PIEZO1: variants seen among roughly 807,000 people sequenced by gnomAD.
The protein encoded by PIEZO1 is piezo type mechanosensitive ion channel component 1 (Er blood group), also known as piezo-type mechanosensitive ion channel component 1.
A neutral mutation model predicts 297.2 loss-of-function variants in PIEZO1; 296 were observed. That is an observed-to-expected ratio of 1.00 (90% CI 0.91 to 1.10). PIEZO1 has a LOEUF of 1.10. PIEZO1 is among the 50% of genes least tolerant of loss of function. PIEZO1 has a pLI of 0.00. For synonymous variants in PIEZO1, 2,427 were observed against 1,507.5 expected (o/e 1.61, Z -14.13); for missense variants, 5,018 against 3,455.5 (o/e 1.45, Z -11.34).
chr16:88,780,834 G>C (rs111818003), intron 1 of PIEZO1, among the ~76,000 whole-genome samples: 4,251 of 152,284 alleles, frequency 0.028, 88 homozygotes, highest in African/African-American at 0.056. Context: ...CTACACACCT[G>C]TAATCTCAGC....
At chr16:88,768,181 G>C (rs908595157) in intron 1 of PIEZO1, among the ~76,000 whole-genome samples, 1 of 152,244 alleles carries the variant, frequency 6.6e-6, no homozygotes, top group African/African-American at 2.4e-5. Context: ...CCAGCTGGTG[G>C]GGCAAGAGCT....
rs202066744 is a variant in PIEZO1, at chr16:88,723,917, T to G, written c.4289A>C (p.Glu1430Ala). The change falls in exon 31 of 51, where the codon GAG becomes GCG. Residue 1430 changes from glutamate (E) to alanine (A), a missense_variant. Transcript: ENST00000301015. ...CGGCCTCGGGTCTTCAGGAACAGCC[T>G]CCTCCTCTTCCTCACTGTCGGACTC... ...LFESDSEEEE[E>A]AVPEDPRPSA... The G allele has an allele frequency of 3.6e-5, 56 of 1,549,700 alleles. No individual in the cohort carries two copies. In the South Asian group the frequency reaches 5.5e-4, roughly 15 times the overall value.
intron 44 of PIEZO1, 50 bp downstream of exon 44, chr16:88,719,524 G>A (rs1211812257): frequency 4.0e-6 from 6 of 1,494,632 alleles, no homozygotes; most frequent in Admixed American, 3.9e-5. Flanking sequence ...GTCTTAGGGA[G>A]AGGGCATATC....
intron 18 of PIEZO1, 61 bp from the exon 19 acceptor site, chr16:88,733,515 C>G (rs1231704477): frequency 2.0e-6 from 3 of 1,530,762 alleles, no homozygotes; most frequent in Non-Finnish European, 1.8e-6. Flanking sequence ...TGGGGCTGGG[C>G]TTGGGGAGGC....
chr16:88,740,667 GGGAACC>G (rs1168161065), intron 5 of PIEZO1: 1 of 152,366 alleles, frequency 6.6e-6, no homozygotes, highest in Non-Finnish European at 1.5e-5. Flanking sequence ...GTGTGGCTTG[GGGAACC>G]CCTTTCCCTC....
At position 88,732,450 on chromosome 16, in the gene PIEZO1, G is replaced by A; in HGVS notation, c.2876C>T (p.Ala959Val). 1.9e-6 allele frequency: 3 copies of A among 1,549,530 alleles called. No homozygotes were observed. Among genetic ancestry groups the A allele is most frequent in the Non-Finnish European group, 2.6e-6 (3 of 1,146,406 alleles). ...QEHYRRQHQL[A>V]PLPAQAVFAS... ...AAACACGGCCTGGGCAGGCAGCGGG[G>A]CCAGCTGGTGCTGCCGGCGGTAGTG... is the stretch of plus-strand genomic sequence containing the variant. Residue 959 changes from alanine (A) to valine (V), a missense_variant, in exon 21 of 51, where the codon GCC becomes GTC. By Grantham distance (64) the Ala-to-Val change is moderately conservative. Transcript: ENST00000301015.
rs1904948458 is a variant in PIEZO1 at position 88,732,739 on chromosome 16, A to G, written c.2665-7T>C. The stretch of plus-strand genomic sequence containing the variant: ...TGGTGCTGTTGGGGAAGGGCTGGCA[A>G]GAGGCCAGGCATCAGTGCCCCCTCC... On this transcript the variant is annotated splice_polypyrimidine_tract_variant and splice_region_variant and intron_variant, in intron 19 of 50. Transcript: ENST00000301015. 1 of 1,541,780 alleles carries G rather than the reference A, an allele frequency of 6.5e-7. No individual in the cohort carries two copies. Among genetic ancestry groups the G allele is most frequent in the Non-Finnish European group, 8.8e-7 (1 of 1,142,002 alleles).
Position 88,720,702 on chromosome 16 carries a change from G to T in PIEZO1, c.5715C>A (p.Ala1905=), listed in dbSNP as rs1227062223. 6.5e-7 allele frequency: 1 copy of T among 1,535,968 alleles called. No homozygotes were observed. Among genetic ancestry groups the T allele is most frequent in the South Asian group, 1.2e-5 (1 of 82,146 alleles). ...TTGGCCTCTTCTCTCTCCCCGTGGG[G>T]GCCTCTTTCTCTTCCTCCCCCTCTT... ...EEEEGEEEKE[A]PTGREKRPSR... Residue 1905 remains alanine, a synonymous_variant, in exon 40 of 51, where the codon GCC becomes GCA. Transcript: ENST00000301015.
intron 1 of PIEZO1, among the ~76,000 whole-genome samples, chr16:88,761,452 C>A (rs1906927744): frequency 6.6e-6 from 1 of 152,214 alleles, no homozygotes; most frequent in South Asian, 2.1e-4. Flanking sequence ...GGCCCAGCGG[C>A]ACGGCCCGAG....
At chr16:88,718,646 G>A (rs1912215866) in intron 44 of PIEZO1, 1 of 152,270 alleles carries the variant, frequency 6.6e-6, no homozygotes, top group South Asian at 2.1e-4. Flanking sequence ...CCAGGACCTA[G>A]ACAAGGGGTT....
Position 88,727,041 on chromosome 16 carries a change from G to A in PIEZO1, c.3453C>T (p.Cys1151=), listed in dbSNP as rs1336338044. ...GTGGAGGGTGACGTGGAACCCACCTGCAGTGGATAAAGTTGGGCACGGGGT... is the reference window on the plus strand; with the variant it reads ...GTGGAGGGTGACGTGGAACCCACCTACAGTGGATAAAGTTGGGCACGGGGT... ...EPNPVPNFIH[C]RSYLDMLKVA... is the part of the protein sequence containing the mutation. Residue 1151 remains cysteine, a splice_region_variant and synonymous_variant, in exon 24 of 51, where the codon TGC becomes TGT. Coordinates refer to ENST00000301015, the MANE Select transcript of PIEZO1 (RefSeq NM_001142864.4). The A allele has an allele frequency of 2.5e-5, 39 of 1,548,694 alleles. No individual in the cohort carries two copies. Among genetic ancestry groups the A allele is most frequent in the Non-Finnish European group, 3.1e-5 (36 of 1,145,710 alleles).
intron 1 of PIEZO1, among the ~76,000 whole-genome samples, chr16:88,759,808 G>A (rs538866496): frequency 6.6e-6 from 1 of 152,302 alleles, no homozygotes; most frequent in Non-Finnish European, 1.5e-5. Context: ...CAAGGTCTAT[G>A]GAGGTTCACA....
In PIEZO1 at chr16:88,720,681, C is replaced by G; in HGVS notation, c.5736G>C (p.Arg1912Ser). 1.9e-6 allele frequency: 3 copies of G among 1,544,834 alleles called. No individual in the cohort carries two copies. Among genetic ancestry groups the G allele is most frequent in the Non-Finnish European group, 2.6e-6 (3 of 1,144,286 alleles). ...EKEAPTGREK[R>S]PSRSGGRVRA... ...TTACTCTTCCTCCAGAGCGGCTTGG[C>G]CTCTTCTCTCTCCCCGTGGGGGCCT... Residue 1912 changes from arginine (R) to serine (S), a missense_variant, in exon 40 of 51, where the codon AGG becomes AGC. By Grantham distance (110) the Arg-to-Ser change is moderately radical. Transcript: ENST00000301015.
chr16:88,771,680 G>C (rs534818355), intron 1 of PIEZO1, among the ~76,000 whole-genome samples: 1 of 152,356 alleles, frequency 6.6e-6, no homozygotes, highest in Non-Finnish European at 1.5e-5. Context: ...GTGGGACAAG[G>C]TTGCAGAGGT....
intron 22 of PIEZO1, chr16:88,727,889 G>A: frequency 5.5e-6 from 2 of 363,904 alleles, no homozygotes; most frequent in Middle Eastern, 6.8e-4. Context: ...CTGAGCAGGA[G>A]GCCAGAGAGC....
intron 1 of PIEZO1, among the ~76,000 whole-genome samples, chr16:88,775,170 G>A (rs889733696): frequency 2.6e-5 from 4 of 152,200 alleles, no homozygotes; most frequent in Admixed American, 6.5e-5. Context: ...CTGACAGGAC[G>A]CAGGCCCTGG....
intron 36 of PIEZO1, 27 bp downstream of exon 36, chr16:88,722,191 C>T (rs1237667424): frequency 1.9e-6 from 3 of 1,538,642 alleles, no homozygotes; most frequent in South Asian, 1.2e-5. Context: ...CATGGTGAGG[C>T]TGGTGTTGTG....
At position 88,715,921 on chromosome 16, in the gene PIEZO1, CCACT is replaced by C. The variant is rs368997650; in HGVS notation, c.7316+8_7316+11del. 122 of 1,547,532 alleles carry C rather than the reference CCACT, an allele frequency of 7.9e-5. 1 individual carries two copies. Among genetic ancestry groups the C allele is most frequent in the South Asian group, 7.7e-4 (65 of 83,952 alleles). On this transcript the variant is annotated splice_region_variant and intron_variant, in intron 50 of 50. Transcript: ENST00000301015. ...CCCGAGCTGCGGGGTGCCCCCCCAGCCACTCACTCACCCGTAGCCAGCCAGGAAG... is the reference window on the plus strand; with the variant it reads ...CCCGAGCTGCGGGGTGCCCCCCCAGCCACTCACCCGTAGCCAGCCAGGAAG...
intron 45 of PIEZO1, 26 bp from the exon 46 acceptor site, chr16:88,716,924 C>T: frequency 1.3e-6 from 2 of 1,548,094 alleles, no homozygotes; most frequent in South Asian, 1.2e-5. Flanking sequence ...GGACACGGGG[C>T]CACGAAGATG....
Sources: allele counts gnomAD v4.1 joint callset (sites outside exome capture counted in the v4.1 genomes callset), GRCh38; gene constraint gnomAD v4.1.1; transcripts MANE v1.5; gene names NCBI Gene and HGNC (gene_info 2026-07-23, HGNC 2026-07-21).